Variants in LUZP1 observed in about 807,000 individuals in gnomAD.
LUZP1 encodes the protein leucine zipper protein 1.
In LUZP1, 25 loss-of-function variants were observed where a neutral mutation model predicts 71.3. The observed-to-expected ratio is 0.35, with a 90% CI of 0.26 to 0.49. The LOEUF (loss-of-function observed/expected upper bound fraction) is 0.49. Among genes scored for constraint, LUZP1 ranks in the 20% least tolerant of loss-of-function variants. The probability of loss-of-function intolerance (pLI) is 0.99; values close to 1 mark genes in which losing one functional copy is unlikely to be tolerated. For synonymous variants in LUZP1, 481 were observed against 506.4 expected (o/e 0.95, Z 0.67); for missense variants, 1,142 against 1,300.8 (o/e 0.88, Z 1.88).
intron 2 of LUZP1, among the ~76,000 whole-genome samples, chr1:23,137,971 T>C (rs1644268078): frequency 6.6e-6 from 1 of 152,180 alleles, no homozygotes; most frequent in South Asian, 2.1e-4. Context: ...TGTATTACTG[T>C]TACTATTAAT....
intron 2 of LUZP1, among the ~76,000 whole-genome samples, chr1:23,139,010 AAAAAAAAAAATAT>A (rs1409360529): frequency 9.7e-6 from 1 of 103,366 alleles, no homozygotes; most frequent in Admixed American, 1.1e-4. Flanking sequence ...AAAAAAAAAA[AAAAAAAAAAATAT>A]ATATATATAT....
chr1:23,085,184 G>C (rs904467677), exon 5 of LUZP1: 1 of 151,614 alleles, frequency 6.6e-6, no homozygotes, highest in South Asian at 2.1e-4. Flanking sequence ...AGGGGTGAGA[G>C]AGACCAGAGC....
intron 3 of LUZP1, among the ~76,000 whole-genome samples, chr1:23,099,008 T>A (rs1351079838): frequency 6.6e-6 from 1 of 152,204 alleles, no homozygotes. Flanking sequence ...CGAATACTGC[T>A]CCCTGTCCAT....
At chr1:23,127,136 C>T (rs750436308) in intron 2 of LUZP1, among the ~76,000 whole-genome samples, 2 of 152,158 alleles carry the variant, frequency 1.3e-5, no homozygotes, top group Admixed American at 6.5e-5. Flanking sequence ...GGTCTATGGG[C>T]AGTAATGTCT....
At chr1:23,146,307 C>A (rs991546649) in intron 2 of LUZP1, among the ~76,000 whole-genome samples, 1 of 152,210 alleles carries the variant, frequency 6.6e-6, no homozygotes, top group Non-Finnish European at 1.5e-5. Flanking sequence ...TGAGCCACCA[C>A]GCCCAGCCCA....
chr1:23,139,114 AT>A (rs559252569), intron 2 of LUZP1, among the ~76,000 whole-genome samples: 53 of 138,824 alleles, frequency 3.8e-4, no homozygotes, highest in African/African-American at 8.8e-4. Flanking sequence ...ATAGATATAG[AT>A]TTTTTTTTTC....
chr1:23,113,723 T>C (rs899180292), intron 2 of LUZP1, among the ~76,000 whole-genome samples: 5 of 151,578 alleles, frequency 3.3e-5, no homozygotes, highest in Non-Finnish European at 4.4e-5. Context: ...CTACTAAAAA[T>C]ACAAAAATTA....
At chr1:23,130,943 C>T (rs1226446494) in intron 2 of LUZP1, among the ~76,000 whole-genome samples, 1 of 152,038 alleles carries the variant, frequency 6.6e-6, no homozygotes, top group East Asian at 1.9e-4. Flanking sequence ...GGGGGTTGGG[C>T]ACAGTGGCTC....
At chr1:23,138,663 T>TTGTGTGTGTGTGTGTGTGTG (rs550739499) in intron 2 of LUZP1, among the ~76,000 whole-genome samples, 3 of 125,608 alleles carry the variant, frequency 2.4e-5, no homozygotes, top group Admixed American at 8.7e-5. Context: ...GATTATGTGT[T>TTGTGTGTGTGTGTGTGTGTG]TGTGTGTGTG....
intron 2 of LUZP1, chr1:23,163,858 T>G (rs1397305107): frequency 1.3e-5 from 2 of 152,210 alleles, no homozygotes; most frequent in East Asian, 3.8e-4. Flanking sequence ...CCTCACTTGC[T>G]CTGGCAGTTA....
chr1:23,092,800 A>C (rs1197040273), exon 4 of LUZP1: 1 of 1,613,566 alleles, frequency 6.2e-7, no homozygotes, highest in Non-Finnish European at 8.5e-7. Flanking sequence ...GTCCCCTTCC[A>C]CGCTTTACTG....
At chr1:23,100,395 C>T (rs1643921366) in intron 3 of LUZP1, among the ~76,000 whole-genome samples, 1 of 152,200 alleles carries the variant, frequency 6.6e-6, no homozygotes, top group Non-Finnish European at 1.5e-5. Flanking sequence ...TCTGAATGAT[C>T]TCATCCCTAG....
In LUZP1 at chr1:23,093,016, G is replaced by A. The variant is rs139904386; in HGVS notation, c.1246C>T (p.Leu416=). The A allele has an allele frequency of 6.2e-7, 1 of 1,614,054 alleles. No homozygotes were observed. ...GGAGAAGAAACCTGCCTGTTGCTCA[G>A]AGAATAGTTTTCATTGTTGAGAGCA... Residue 416 remains leucine (L), a synonymous_variant, in exon 4 of 5, where the codon CTG becomes TTG. Transcript: ENST00000302291. This position sits in a 1 kb window ranked among gnomAD's most constrained non-coding sequence, Gnocchi z 4.2.
chr1:23,110,623 A>AAC (rs1432204595), intron 2 of LUZP1, among the ~76,000 whole-genome samples: 5 of 102,880 alleles, frequency 4.9e-5, no homozygotes, highest in Non-Finnish European at 1.0e-4. Flanking sequence ...CGCATGCATG[A>AAC]ACGCGCACAC....
intron 2 of LUZP1, among the ~76,000 whole-genome samples, 154 bp downstream of exon 1, chr1:23,168,612 C>T (rs1644529996): frequency 9.4e-6 from 1 of 106,654 alleles, no homozygotes; most frequent in Non-Finnish European, 1.9e-5. Context: ...AACTCTCCCC[C>T]AACTCCACAC....
At chr1:23,100,052 C>CT (rs2124615792) in intron 3 of LUZP1, among the ~76,000 whole-genome samples, 1 of 152,346 alleles carries the variant, frequency 6.6e-6, no homozygotes, top group African/African-American at 2.4e-5. Context: ...ATCTGGGCCT[C>CT]TCTTTTTTGC....
chr1:23,108,132 T>C (rs1643998513), intron 3 of LUZP1, among the ~76,000 whole-genome samples: 1 of 152,216 alleles, frequency 6.6e-6, no homozygotes, highest in Admixed American at 6.5e-5. Flanking sequence ...ATTTCATTAG[T>C]GCTCTCCTCT....
intron 2 of LUZP1, among the ~76,000 whole-genome samples, chr1:23,119,855 C>T (rs2124663896): frequency 6.6e-6 from 1 of 152,116 alleles, no homozygotes; most frequent in East Asian, 1.9e-4. Context: ...AATTCATCTC[C>T]CTCATGTACA....
intron 2 of LUZP1, among the ~76,000 whole-genome samples, chr1:23,162,128 G>T (rs1644471998): frequency 1.3e-5 from 2 of 150,038 alleles, no homozygotes; most frequent in African/African-American, 4.9e-5. Flanking sequence ...AATAAAAGGA[G>T]CCAGACCACA....
Sources: gnomAD v4.1 joint callset for allele counts (sites outside exome capture counted in the v4.1 genomes callset) on GRCh38, gnomAD v4.1.1 for gene constraint, Gnocchi (gnomAD v3.1) non-coding constraint, MANE v1.5 for transcripts, NCBI Gene and HGNC (gene_info 2026-07-23, HGNC 2026-07-21) for gene names.